Variants in SYTL5 observed in about 807,000 individuals in gnomAD.
SYTL5 encodes the protein synaptotagmin-like protein 5.
In SYTL5, 34 loss-of-function variants were observed where a neutral mutation model predicts 55.9. The observed-to-expected ratio is 0.61, with a 90% CI of 0.46 to 0.81. SYTL5 has a LOEUF of 0.81. Among genes scored for constraint, SYTL5 ranks in the 30% least tolerant of loss-of-function variants. The pLI is 0.00. For synonymous variants in SYTL5, 221 were observed against 188.7 expected, an observed-to-expected ratio of 1.17 and a Z score of -1.40; for missense variants, 637 against 546.7, an observed-to-expected ratio of 1.17 and a Z score of -1.65.
Position 38,043,661 on chromosome X carries a change from G to GTATATATA in SYTL5, c.119+9676_119+9683dup, listed in dbSNP as rs35312093. Among the ~76,000 whole-genome samples the GTATATATA allele has an allele frequency of 2.9e-3, 145 of 50,079 alleles. 3 individuals are homozygous for GTATATATA. The highest frequency in any genetic ancestry group is 0.015 in the Middle Eastern group (1 of 68). The allele number at this position is 50,079 out of a possible 115,157, so 43.5% of individuals were successfully genotyped here. ...CTGTAACTTTTATGTATGTATGTAT[G>GTATATATA]TATATATATATATATATATATATAT... On this transcript the variant is annotated intron_variant, in intron 2 of 16. Transcript: ENST00000297875.
intron 15 of SYTL5, 148 bp downstream of exon 15, chrX:38,122,363 T>A: frequency 2.6e-6 from 1 of 380,968 alleles, no homozygotes; most frequent in Non-Finnish European, 4.4e-6. Flanking sequence ...GGCTCTTACA[T>A]CTAAAATAAC....
At chrX:37,890,380 T>G in the SYTL5 span, among the ~76,000 whole-genome samples, 1 of 112,133 alleles carries the variant, frequency 8.9e-6, no homozygotes, top group Non-Finnish European at 1.9e-5. Flanking sequence ...TGTCTTTAGA[T>G]GAATGCACAC....
At chrX:37,966,587 G>A in the SYTL5 span, among the ~76,000 whole-genome samples, 6 of 108,577 alleles carry the variant, frequency 5.5e-5, no homozygotes, top group Non-Finnish European at 1.1e-4. Context: ...ACAGATGCAC[G>A]CCACCACGTC....
chrX:37,893,505 T>C, the SYTL5 span, among the ~76,000 whole-genome samples: 1 of 92,774 alleles, frequency 1.1e-5, no homozygotes, highest in Non-Finnish European at 2.1e-5. Context: ...AATCTATAGA[T>C]TGTATATATA....
At chrX:38,015,159 A>G (rs1265469460) in intron 1 of SYTL5, among the ~76,000 whole-genome samples, 1 of 112,707 alleles carries the variant, frequency 8.9e-6, no homozygotes, top group Non-Finnish European at 1.9e-5. Flanking sequence ...CTCATAAGGA[A>G]AAAGCATTAA....
chrX:38,070,632 A>T (rs1378245351), intron 3 of SYTL5, among the ~76,000 whole-genome samples: 3 of 110,472 alleles, frequency 2.7e-5, no homozygotes, highest in Admixed American at 9.7e-5. Context: ...CAAATATTTG[A>T]CCCCAAATCC....
chrX:37,983,131 G>A, the SYTL5 span, among the ~76,000 whole-genome samples: 1 of 111,169 alleles, frequency 9.0e-6, no homozygotes, highest in African/African-American at 3.3e-5. Context: ...GGAACAAAAA[G>A]GACATGTAAG....
the SYTL5 span, chrX:37,949,349 G>A: frequency 8.9e-6 from 1 of 111,983 alleles, no homozygotes; most frequent in Non-Finnish European, 1.9e-5. Flanking sequence ...CATAACAGCA[G>A]AAAAAGCCTA....
At chrX:38,122,565 A>C (rs1400498557) in intron 15 of SYTL5, among the ~76,000 whole-genome samples, 1 of 112,323 alleles carries the variant, frequency 8.9e-6, no homozygotes, top group Non-Finnish European at 1.9e-5. Flanking sequence ...TCCTGGCAAT[A>C]TGCAACAATC....
intron 2 of SYTL5, among the ~76,000 whole-genome samples, chrX:38,051,470 T>A (rs1935621847): frequency 8.9e-6 from 1 of 111,806 alleles, no homozygotes; most frequent in African/African-American, 3.3e-5. Context: ...AATGCAGTCT[T>A]ATTTGAGGCA....
intron 13 of SYTL5, among the ~76,000 whole-genome samples, chrX:38,119,905 A>G (rs1253993859): frequency 8.9e-6 from 1 of 112,515 alleles, no homozygotes; most frequent in East Asian, 2.8e-4. Context: ...ATCAAGCATT[A>G]TTGCCTACTT....
chrX:37,963,104 T>A, the SYTL5 span, among the ~76,000 whole-genome samples: 1 of 111,905 alleles, frequency 8.9e-6, no homozygotes, highest in African/African-American at 3.2e-5. Flanking sequence ...ATAAGTTTTT[T>A]ATTTCTTAGT....
the SYTL5 span, among the ~76,000 whole-genome samples, chrX:37,940,604 G>GTATA: frequency 0.037 from 3,455 of 94,569 alleles, 67 homozygotes; most frequent in African/African-American, 0.059. Flanking sequence ...AGGTGTGTAT[G>GTATA]TATATATATA....
chrX:37,915,066 G>T, the SYTL5 span, among the ~76,000 whole-genome samples: 4 of 111,406 alleles, frequency 3.6e-5, no homozygotes, highest in African/African-American at 9.8e-5. Flanking sequence ...GCTGCCCATT[G>T]CTCTTTGCTG....
chrX:38,076,841 AT>A, intron 6 of SYTL5, 140 bp downstream of exon 6: 1 of 667,710 alleles, frequency 1.5e-6, no homozygotes, highest in African/African-American at 2.2e-5. Flanking sequence ...TCAGGAAGAT[AT>A]TTTTTAGTTG....
chrX:38,126,970 T>G lies in SYTL5; in HGVS notation c.*240T>G. ...ATGATAGAAAGTGTACTACTTGTCC[T>G]GTCAACAAGCAAATTGTGCAAAGGC... On this transcript the variant is annotated 3_prime_UTR_variant, in exon 17 of 17. Coordinates refer to ENST00000297875, the MANE Select transcript of SYTL5 (RefSeq NM_138780.3). 3.0e-6 allele frequency: 1 copy of G among 338,756 alleles called. No individual in the cohort carries two copies. The highest frequency in any genetic ancestry group is 5.1e-6 in the Non-Finnish European group (1 of 194,245). 27.9% of individuals were successfully genotyped at this position (338,756 alleles called of 1,213,427 possible). A position where few individuals can be genotyped will look rare whatever the true frequency, so the allele number is the denominator to read the frequency against.
intron 1 of SYTL5, among the ~76,000 whole-genome samples, chrX:38,007,804 C>A (rs1202722883): frequency 9.0e-6 from 1 of 111,532 alleles, no homozygotes; most frequent in East Asian, 2.8e-4. Flanking sequence ...CCCACATATA[C>A]ATGCATATTT....
the SYTL5 span, among the ~76,000 whole-genome samples, chrX:37,918,848 C>T: frequency 9.0e-6 from 1 of 111,004 alleles, no homozygotes; most frequent in Non-Finnish European, 1.9e-5. Flanking sequence ...GCACAAAGTT[C>T]ACATTCTCAT....
chrX:38,034,092 A>C (rs1466673068), intron 2 of SYTL5, 84 bp downstream of exon 2: 1 of 480,028 alleles, frequency 2.1e-6, no homozygotes, highest in Admixed American at 3.3e-5. Context: ...GGCCAAGTGC[A>C]ACCACAATGG....
Sources: gnomAD v4.1 joint callset for allele counts (sites outside exome capture counted in the v4.1 genomes callset) on GRCh38, gnomAD v4.1.1 for gene constraint, MANE v1.5 for transcripts, NCBI Gene and HGNC (gene_info 2026-07-23, HGNC 2026-07-21) for gene names.